The following RGS10 variants were observed in gnomAD, a reference collection of about 807,000 sequenced individuals.
RGS10 encodes the protein regulator of G-protein signalling 10.
A neutral mutation model predicts 23.5 loss-of-function variants in RGS10; 11 were observed. The ratio of observed to expected loss-of-function variants is 0.47; its 90% CI spans 0.29 to 0.77. RGS10 has a LOEUF of 0.77. Ranked by LOEUF, RGS10 falls within the 30% of genes least tolerant of loss-of-function variation. RGS10 has a pLI of 0.08. For missense variants in RGS10, 180 were observed against 226.3 expected, an observed-to-expected ratio of 0.80 and a Z score of 1.31; for synonymous variants, 77 against 83.2, an observed-to-expected ratio of 0.92 and a Z score of 0.41.
chr10:119,519,857 C>T (rs890506653), intron 3 of RGS10, among the ~76,000 whole-genome samples: 2 of 152,238 alleles, frequency 1.3e-5, no homozygotes, highest in Admixed American at 1.3e-4. Flanking sequence ...TTGGTGACAA[C>T]TCTAACTCCA....
intron 4 of RGS10, among the ~76,000 whole-genome samples, chr10:119,507,002 A>AAT (rs1438817823): frequency 1.3e-5 from 2 of 152,120 alleles, no homozygotes; most frequent in Non-Finnish European, 2.9e-5. Context: ...CCCAGCACCA[A>AAT]ATACCATTTT....
chr10:119,536,047 T>G (rs1844384444), intron 1 of RGS10, among the ~76,000 whole-genome samples: 1 of 152,212 alleles, frequency 6.6e-6, no homozygotes, highest in South Asian at 2.1e-4. Context: ...AACTGGGTCA[T>G]GGAAACATGG....
At position 119,528,887 on chromosome 10, in the gene RGS10, G is replaced by A. The variant is rs1169982335; in HGVS notation, c.50-1463C>T. Reference sequence around the variant, plus strand: ...ATAAATAAATAAATATCATTATCCTGATGCCTGAGGTTTTTGGCAACCCTC... The same window carrying A: ...ATAAATAAATAAATATCATTATCCTAATGCCTGAGGTTTTTGGCAACCCTC... On this transcript the variant is annotated intron_variant, in intron 1 of 4. Coordinates refer to ENST00000369103, the MANE Select transcript of RGS10 (RefSeq NM_001005339.2). 2.1e-5 allele frequency among the ~76,000 whole-genome samples: 3 copies of A among 143,842 alleles called. No homozygotes were observed. The Admixed American group carries it at 2.2e-4, about 10-fold the overall frequency. 94.4% of individuals were successfully genotyped at this position (143,842 alleles called of 152,430 possible).
chr10:119,525,138 C>A (rs1164416110), intron 3 of RGS10, among the ~76,000 whole-genome samples: 1 of 152,166 alleles, frequency 6.6e-6, no homozygotes, highest in Non-Finnish European at 1.5e-5. Context: ...TGTCCAGCTT[C>A]TTTAGAAAAA....
At chr10:119,513,852 T>C (rs1376126401) in intron 4 of RGS10, among the ~76,000 whole-genome samples, 2 of 152,182 alleles carry the variant, frequency 1.3e-5, no homozygotes, top group Non-Finnish European at 2.9e-5. Flanking sequence ...ATGATGGTCA[T>C]GGGGGGAGCA....
rs983666711 is a variant in RGS10 at position 119,520,595 on chromosome 10, C to T, written c.256-4943G>A. ...ACAGAGGACGGCAAGAATGAGACGC[C>T]GAACCGAATAAAGGGATTCAGGGAA... On this transcript the variant is annotated intron_variant, in intron 3 of 4. Coordinates refer to ENST00000369103, the MANE Select transcript of RGS10 (RefSeq NM_001005339.2). Among the ~76,000 whole-genome samples, 8 of 152,034 alleles carry T rather than the reference C, an allele frequency of 5.3e-5. No individual in the cohort carries two copies. In the East Asian group the frequency reaches 9.6e-4, roughly 18 times the overall value.
chr10:119,513,600 A>G (rs2991782), intron 4 of RGS10, among the ~76,000 whole-genome samples: 2,447 of 151,982 alleles, frequency 0.016, 70 homozygotes, highest in African/African-American at 0.056. Flanking sequence ...GGGCACGCCT[A>G]CTCATAAGGT....
intron 3 of RGS10, among the ~76,000 whole-genome samples, chr10:119,519,246 C>T (rs1844181678): frequency 6.6e-6 from 1 of 152,170 alleles, no homozygotes; most frequent in African/African-American, 2.4e-5. Context: ...AGAGCCCTGT[C>T]CTCTCAGGAT....
At chr10:119,513,199 T>C (rs2991780) in intron 4 of RGS10, among the ~76,000 whole-genome samples, 151,327 of 152,324 alleles carry the variant, frequency 0.99, 75,175 homozygotes, top group Middle Eastern at 1. Flanking sequence ...GGCTCTTGCC[T>C]GTAATCCCAA....
chr10:119,514,006 G>T (rs1844110889), intron 4 of RGS10, among the ~76,000 whole-genome samples: 1 of 152,234 alleles, frequency 6.6e-6, no homozygotes, highest in African/African-American at 2.4e-5. Context: ...ACTCATTGGA[G>T]ATAAAATGAG....
chr10:119,506,027 A>G (rs1362795058), intron 4 of RGS10, among the ~76,000 whole-genome samples: 2 of 152,202 alleles, frequency 1.3e-5, no homozygotes, highest in African/African-American at 4.8e-5. Context: ...GCCGTCTCTG[A>G]ATTGCGGCTC....
At chr10:119,537,458 C>A (rs6585551) in intron 1 of RGS10, among the ~76,000 whole-genome samples, 126,618 of 151,454 alleles carry the variant, frequency 0.84, 53,289 homozygotes, top group Middle Eastern at 0.92. Context: ...TTGCAACAAT[C>A]CTTGCAAGCT....
In RGS10 at chr10:119,523,254, G is replaced by A. The variant is rs541097453; in HGVS notation, c.255+2778C>T. On this transcript the variant is annotated intron_variant, in intron 3 of 4. Transcript: ENST00000369103. ...CAAACACTCCAGGCCAAACACCCCA[G>A]GTGTCACCAATGCCTCCACCCAATC... Among the ~76,000 whole-genome samples, 4 of 152,320 alleles carry A rather than the reference G, an allele frequency of 2.6e-5. No individual in the cohort carries two copies. In the South Asian group the frequency reaches 8.3e-4, roughly 32 times the overall value.
At chr10:119,515,223 T>C (rs1844127758) in intron 4 of RGS10, among the ~76,000 whole-genome samples, 1 of 152,084 alleles carries the variant, frequency 6.6e-6, no homozygotes, top group Non-Finnish European at 1.5e-5. Context: ...GCTCCTCAAA[T>C]AGCTCCAGCC....
intron 1 of RGS10, among the ~76,000 whole-genome samples, chr10:119,539,939 A>G (rs1400019335): frequency 7.0e-6 from 1 of 141,912 alleles, no homozygotes; most frequent in Non-Finnish European, 1.5e-5. Context: ...ATCCTCTTTA[A>G]GAAAAATAAT....
At chr10:119,502,740 C>G (rs1190037550) in intron 4 of RGS10, among the ~76,000 whole-genome samples, 1 of 152,088 alleles carries the variant, frequency 6.6e-6, no homozygotes, top group Non-Finnish European at 1.5e-5. Context: ...TTATTAAGAG[C>G]ATAAGGGCCA....
intron 4 of RGS10, among the ~76,000 whole-genome samples, 188 bp from the exon 5 acceptor site, chr10:119,500,447 C>T: frequency 6.6e-6 from 1 of 151,966 alleles, no homozygotes; most frequent in Non-Finnish European, 1.5e-5. Context: ...GGTCATTATG[C>T]AATAATCTCA....
chr10:119,511,261 C>T (rs1446505073), intron 4 of RGS10, among the ~76,000 whole-genome samples: 1 of 152,158 alleles, frequency 6.6e-6, no homozygotes, highest in Non-Finnish European at 1.5e-5. Flanking sequence ...AATCAGAGAA[C>T]CATCTCGCCA....
intron 4 of RGS10, among the ~76,000 whole-genome samples, chr10:119,512,884 T>C (rs1844095250): frequency 6.6e-6 from 1 of 152,210 alleles, no homozygotes; most frequent in South Asian, 2.1e-4. Flanking sequence ...AGTATAACAG[T>C]ACTTGCTTTA....
Sources: allele counts gnomAD v4.1 joint callset (sites outside exome capture counted in the v4.1 genomes callset), GRCh38; gene constraint gnomAD v4.1.1; transcripts MANE v1.5; gene names NCBI Gene and HGNC (gene_info 2026-07-23, HGNC 2026-07-21).